The following C4BPA variants were observed in gnomAD, a reference collection of about 807,000 sequenced individuals.
The protein encoded by C4BPA is complement component 4 binding protein alpha, also known as C4b-binding protein alpha chain.
Under a neutral mutation model 63.7 loss-of-function variants are expected in C4BPA, and 31 were observed. The ratio of observed to expected loss-of-function variants is 0.49; its 90% confidence interval spans 0.37 to 0.66. C4BPA has a LOEUF of 0.66. Ranked by LOEUF, C4BPA falls within the 30% of genes least tolerant of loss-of-function variation. The pLI is 0.00. For missense variants in C4BPA, 572 were observed against 723.3 expected (o/e 0.79, Z 2.40); for synonymous variants, 259 against 254.7 (o/e 1.02, Z -0.16).
rs962220855 is a variant in C4BPA, at chr1:207,144,823, A to G, written c.*106A>G. ...TGTCAATTTGGCAGTGATATTCATC[A>G]TAATAAATATCTAGAAATGATAATT... On this transcript the variant is annotated 3_prime_UTR_variant, in exon 12 of 12. Coordinates refer to ENST00000367070, the MANE Select transcript of C4BPA (RefSeq NM_000715.4). 1.7e-6 allele frequency: 1 copy of G among 573,968 alleles called. No individual in the cohort carries two copies. Among genetic ancestry groups the G allele is most frequent in the African/African-American group, 1.9e-5 (1 of 51,850 alleles). 35.6% of individuals were successfully genotyped at this position (573,968 alleles called of 1,614,324 possible).
At position 207,105,699 on chromosome 1, in the gene C4BPA, A is replaced by T. The variant is rs889376148; in HGVS notation, c.-26+1269A>T. Reference sequence around the variant, plus strand: ...AGACACTCAGCCCGAGACTGGAGAAAAATACTATCCTTTCACAAGGTATCT... The same window carrying T: ...AGACACTCAGCCCGAGACTGGAGAATAATACTATCCTTTCACAAGGTATCT... On this transcript the variant is annotated intron_variant, in intron 1 of 11. Coordinates refer to ENST00000367070, the MANE Select transcript of C4BPA (RefSeq NM_000715.4). Among the ~76,000 whole-genome samples, 12 of 152,318 alleles carry T rather than the reference A, an allele frequency of 7.9e-5. 1 individual carries two copies. The highest frequency in any genetic ancestry group is 2.6e-4 in the African/African-American group (11 of 41,580).
chr1:207,107,897 C>T (rs1280873283), intron 1 of C4BPA, among the ~76,000 whole-genome samples: 3 of 152,110 alleles, frequency 2.0e-5, no homozygotes, highest in Non-Finnish European at 4.4e-5. Flanking sequence ...GACTTGACGA[C>T]TCTGAATAGT....
Position 207,104,399 on chromosome 1 carries a change from T to C in C4BPA, c.-57T>C, listed in dbSNP as rs1572769259. 6.6e-6 allele frequency: 1 copy of C among 152,356 alleles called. No individual in the cohort carries two copies. 9.4% of individuals were successfully genotyped at this position (152,356 alleles called of 1,614,324 possible). On this transcript the variant is annotated 5_prime_UTR_variant, in exon 1 of 12. Transcript: ENST00000367070. ...TGAGAAACTATCCCAGATATCATCA[T>C]AGAGTCTTCTGCTCTTCCTCAACTA...
chr1:207,114,175 C>A lies in C4BPA; in HGVS notation c.218C>A (p.Thr73Asn). The A allele has an allele frequency of 6.2e-7, 1 of 1,613,818 alleles. No homozygotes were observed. Among genetic ancestry groups the A allele is most frequent in the Non-Finnish European group, 8.5e-7 (1 of 1,179,782 alleles). The change falls in exon 3 of 12, where the codon ACT becomes AAT. Residue 73 changes from threonine (T) to asparagine (N), a missense_variant. Thr to Asn is a moderately conservative substitution (Grantham distance 65, BLOSUM62 0). Transcript: ENST00000367070. ...ACGTTGACTGAGACACGCTTCAAAA[C>A]TGGAACTACTCTGAAATACACCTGC... ...DITLTETRFK[T>N]GTTLKYTCLP...
At chr1:207,116,045 T>C (rs1313112056) in intron 4 of C4BPA, among the ~76,000 whole-genome samples, 1 of 152,232 alleles carries the variant, frequency 6.6e-6, no homozygotes, top group African/African-American at 2.4e-5. Context: ...GATAGCTTCC[T>C]AGAGGAGGCC....
chr1:207,141,076 G>C (rs1349475245), intron 9 of C4BPA, 30 bp from the exon 10 acceptor site: 1 of 1,577,024 alleles, frequency 6.3e-7, no homozygotes, highest in South Asian at 1.1e-5. Context: ...ACAAACTAAT[G>C]CTCTCTCACT....
At chr1:207,137,046 C>A (rs1460251898) in intron 9 of C4BPA, among the ~76,000 whole-genome samples, 1 of 152,218 alleles carries the variant, frequency 6.6e-6, no homozygotes, top group Non-Finnish European at 1.5e-5. Context: ...ATTTATTGTT[C>A]TTTGTTTACA....
In C4BPA at chr1:207,131,732, G is replaced by C; in HGVS notation, c.1076G>C (p.Gly359Ala). The C allele has an allele frequency of 3.1e-6, 5 of 1,607,466 alleles. No individual in the cohort carries two copies. Among genetic ancestry groups the C allele is most frequent in the Non-Finnish European group, 4.2e-6 (5 of 1,177,282 alleles). The change falls in exon 8 of 12, where the codon GGA becomes GCA. Residue 359 changes from glycine to alanine, a missense_variant. Gly to Ala is a moderately conservative substitution (Grantham distance 60). Coordinates refer to ENST00000367070, the MANE Select transcript of C4BPA (RefSeq NM_000715.4). The stretch of plus-strand genomic sequence containing the variant: ...AATTTGAGATGGACCCCATACCAAG[G>C]ATGTGAGGGTGAGTTTTTGTTTTTT... ...QKNLRWTPYQ[G>A]CEALCCPEPK...
intron 2 of C4BPA, among the ~76,000 whole-genome samples, chr1:207,113,852 A>G (rs1281192114): frequency 6.6e-6 from 1 of 152,130 alleles, no homozygotes; most frequent in African/African-American, 2.4e-5. Context: ...CAGAGAAGGG[A>G]AAAAAATTCT....
chr1:207,114,965 C>G (rs1684752010), intron 3 of C4BPA, among the ~76,000 whole-genome samples: 2 of 152,168 alleles, frequency 1.3e-5, no homozygotes, highest in Admixed American at 1.3e-4. Context: ...AAAATATTTG[C>G]TGTGTTTTGA....
intron 4 of C4BPA, among the ~76,000 whole-genome samples, chr1:207,118,573 G>T (rs1025731257): frequency 1.3e-5 from 2 of 152,078 alleles, no homozygotes; most frequent in Non-Finnish European, 2.9e-5. Context: ...AATAGCATTG[G>T]GGTAACTGCC....
rs144288941 is a variant in C4BPA at position 207,134,560 on chromosome 1, C to T, written c.1241C>T (p.Thr414Met). Residue 414 changes from threonine to methionine, a missense_variant, in exon 9 of 12, where the codon ACG becomes ATG. Thr to Met is a moderately conservative substitution (Grantham distance 81). Coordinates refer to ENST00000367070, the MANE Select transcript of C4BPA (RefSeq NM_000715.4). ...TCAGCTATATGCCAAGGAGATGGCA[C>T]GTGGAGTCCCCGAACACCATCATGT... ...RFSAICQGDG[T>M]WSPRTPSCGD... 54 of 1,613,340 alleles carry T rather than the reference C, an allele frequency of 3.3e-5. No individual in the cohort carries two copies. The highest frequency in any genetic ancestry group is 1.1e-4 in the African/African-American group (8 of 74,914).
rs80208489 is a variant in C4BPA, at chr1:207,112,712, C to T, written c.-25-289C>T. Among the ~76,000 whole-genome samples the T allele has an allele frequency of 3.9e-3, 590 of 152,284 alleles. 6 individuals carry two copies. Among genetic ancestry groups the T allele is most frequent in the African/African-American group, 0.014 (575 of 41,544 alleles). ...TTATCTATTGTTCCCTCAACATGCC[C>T]TGCATCCATTCTGCAGTGTCTTCAG... is the stretch of plus-strand genomic sequence containing the variant. On this transcript the variant is annotated intron_variant, in intron 1 of 11. Coordinates refer to ENST00000367070, the MANE Select transcript of C4BPA (RefSeq NM_000715.4).
chr1:207,111,153 T>C (rs560068346), intron 1 of C4BPA, among the ~76,000 whole-genome samples: 3 of 152,232 alleles, frequency 2.0e-5, no homozygotes, highest in Admixed American at 2.0e-4. Context: ...CTCTCAGCTG[T>C]CTCCAGCTTC....
Position 207,114,371 on chromosome 1 carries a change from A to G in C4BPA, c.328+86A>G, listed in dbSNP as rs1684736164. 3 of 1,040,566 alleles carry G rather than the reference A, an allele frequency of 2.9e-6. No individual in the cohort carries two copies. In the East Asian group the frequency reaches 7.7e-5, roughly 27 times the overall value. The allele number at this position is 1,040,566 out of a possible 1,614,324, so 64.5% of individuals were successfully genotyped here. A position where few individuals can be genotyped will look rare whatever the true frequency, so the allele number is the denominator to read the frequency against. On this transcript the variant is annotated intron_variant, in intron 3 of 11. Coordinates refer to ENST00000367070, the MANE Select transcript of C4BPA (RefSeq NM_000715.4). ...AACTAAATTTTCTGAATCTTTAGTC[A>G]CCAAGAAGACAGTTTGTCAATTACT...
intron 1 of C4BPA, among the ~76,000 whole-genome samples, chr1:207,112,350 G>GTTTT (rs61668698): frequency 2.6e-5 from 3 of 114,168 alleles, no homozygotes; most frequent in Non-Finnish European, 5.6e-5. Context: ...CTGCCTTTTT[G>GTTTT]TTTTTTTTTT....
At chr1:207,131,518 G>T in intron 7 of C4BPA, 28 bp from the exon 8 acceptor site, 1 of 1,480,188 alleles carries the variant, frequency 6.8e-7, no homozygotes, top group Non-Finnish European at 9.3e-7. Context: ...GCGTCCTTTT[G>T]TTCTTCTTCT....
chr1:207,132,949 T>A lies in C4BPA; in HGVS notation c.1084+1209T>A, dbSNP rs1685193050. Among the ~76,000 whole-genome samples, 3 of 152,260 alleles carry A rather than the reference T, an allele frequency of 2.0e-5. No individual in the cohort carries two copies. In the South Asian group the frequency reaches 6.2e-4, roughly 32 times the overall value. On this transcript the variant is annotated intron_variant, in intron 8 of 11. Transcript: ENST00000367070. ...CTGAGGTAGGAGGATAACTTGAGGC[T>A]AAGAGGCCAAAGCTGCAGTGAGCCG...
At chr1:207,112,647 T>C (rs1467531798) in intron 1 of C4BPA, among the ~76,000 whole-genome samples, 3 of 152,226 alleles carry the variant, frequency 2.0e-5, no homozygotes, top group Non-Finnish European at 4.4e-5. Flanking sequence ...ATCTGTAAAC[T>C]GTCCCTTCCC....
Sources: gnomAD v4.1 joint callset for allele counts (sites outside exome capture counted in the v4.1 genomes callset) on GRCh38, gnomAD v4.1.1 for gene constraint, MANE v1.5 for transcripts, NCBI Gene and HGNC (gene_info 2026-07-23, HGNC 2026-07-21) for gene names.